Variants in SLC26A7 observed in about 807,000 individuals in gnomAD.
SLC26A7 encodes anion exchange transporter.
In SLC26A7, 59 loss-of-function variants were observed where a neutral mutation model predicts 82.5. The observed-to-expected ratio is 0.72, with a 90% confidence interval of 0.58 to 0.89. The LOEUF (loss-of-function observed/expected upper bound fraction) is 0.89, where lower values mean the gene tolerates loss of function less well. Among genes scored for constraint, SLC26A7 ranks in the 40% least tolerant of loss-of-function variants. The probability of loss-of-function intolerance (pLI) is 0.00; values close to 1 mark genes in which losing one functional copy is unlikely to be tolerated. For missense variants in SLC26A7, 820 were observed against 793.0 expected (o/e 1.03, Z -0.41); for synonymous variants, 271 against 274.3 (o/e 0.99, Z 0.12).
intron 11 of SLC26A7, among the ~76,000 whole-genome samples, chr8:91,356,320 G>A (rs997300034): frequency 1.3e-5 from 2 of 152,098 alleles, no homozygotes; most frequent in African/African-American, 4.8e-5. Context: ...TTCCACAATG[G>A]TTGAACTAGT....
chr8:91,395,317 A>G lies in SLC26A7; in HGVS notation c.*220A>G, dbSNP rs1374636084. ...ATTCGCTTAGTTATTTTATGTAAAA[A>G]TCAGTATGTGTTTAGTTTTAGTGTA... On this transcript the variant is annotated 3_prime_UTR_variant, in exon 19 of 19. Transcript: ENST00000276609. 2.5e-6 allele frequency: 3 copies of G among 1,214,688 alleles called. No homozygotes were observed. The African/African-American group carries it at 4.6e-5, about 19-fold the overall frequency. The allele number at this position is 1,214,688 out of a possible 1,614,324, so 75.2% of individuals were successfully genotyped here.
At chr8:91,276,112 G>T (rs1465249855) in intron 2 of SLC26A7, among the ~76,000 whole-genome samples, 1 of 152,078 alleles carries the variant, frequency 6.6e-6, no homozygotes, top group Admixed American at 6.6e-5. Context: ...CCACATGCAT[G>T]GTGTGATGTT....
rs1199817446 is a variant in SLC26A7 at position 91,396,600 on chromosome 8, C to G, written c.*1503C>G. On this transcript the variant is annotated 3_prime_UTR_variant, in exon 19 of 19. Transcript: ENST00000276609. ...AGGTTTTGAATTCTTATAACATATC[C>G]AGCCATTTCAATTTTGATTGAAATG... 1.3e-5 allele frequency: 2 copies of G among 151,898 alleles called. No individual in the cohort carries two copies. The highest frequency in any genetic ancestry group is 2.4e-5 in the African/African-American group (1 of 41,406). 9.4% of individuals were successfully genotyped at this position (151,898 alleles called of 1,614,324 possible).
chr8:91,212,132 T>A (rs1809939108), intron 1 of SLC26A7, among the ~76,000 whole-genome samples: 1 of 152,152 alleles, frequency 6.6e-6, no homozygotes, highest in Admixed American at 6.5e-5. Context: ...AGTTGATATT[T>A]CAATATTAGC....
chr8:91,298,965 C>A (rs1812089059), intron 4 of SLC26A7, among the ~76,000 whole-genome samples: 1 of 152,114 alleles, frequency 6.6e-6, no homozygotes, highest in South Asian at 2.1e-4. Context: ...TATGAGAGTG[C>A]CTCAGCCTTA....
At chr8:91,367,120 G>T (rs557085396) in intron 14 of SLC26A7, among the ~76,000 whole-genome samples, 1 of 151,782 alleles carries the variant, frequency 6.6e-6, no homozygotes, top group South Asian at 2.1e-4. Flanking sequence ...CCATTCTTCT[G>T]CCTCAGCCTC....
intron 7 of SLC26A7, 66 bp downstream of exon 7, chr8:91,338,298 A>G: frequency 8.7e-7 from 1 of 1,153,370 alleles, no homozygotes. Flanking sequence ...AGAAAGGGAC[A>G]GGGAGTGAGT....
chr8:91,278,955 T>C (rs1811481127), intron 2 of SLC26A7, among the ~76,000 whole-genome samples: 1 of 151,798 alleles, frequency 6.6e-6, no homozygotes, highest in Non-Finnish European at 1.5e-5. Flanking sequence ...ACTCTTTCTA[T>C]TAGTTAAGCT....
rs1355526607 is a variant in SLC26A7, at chr8:91,234,288, T to A, written c.-34+15283T>A. ...TCTATTGGACATATCACAAACTTTT[T>A]AATTCTTTTCAAAATGTTAAAGCTG... is the stretch of plus-strand genomic sequence containing the variant. On this transcript the variant is annotated intron_variant, in intron 2 of 5. Transcript: ENST00000522862. Among the ~76,000 whole-genome samples, 7 of 152,184 alleles carry A rather than the reference T, an allele frequency of 4.6e-5. No individual in the cohort carries two copies. The South Asian group carries it at 1.4e-3, about 32-fold the overall frequency.
chr8:91,236,300 C>T (rs866894879), intron 2 of SLC26A7, among the ~76,000 whole-genome samples: 1 of 152,132 alleles, frequency 6.6e-6, no homozygotes, highest in Non-Finnish European at 1.5e-5. Context: ...TCACTTATCC[C>T]TCCCCTTCTG....
chr8:91,294,017 G>A (rs1323405205), intron 3 of SLC26A7, among the ~76,000 whole-genome samples: 1 of 152,058 alleles, frequency 6.6e-6, no homozygotes, highest in African/African-American at 2.4e-5. Flanking sequence ...TCTTAATTTA[G>A]TATTTTGTGA....
chr8:91,336,779 GAGTT>G (rs1382910641), intron 6 of SLC26A7, among the ~76,000 whole-genome samples: 3 of 152,098 alleles, frequency 2.0e-5, no homozygotes, highest in Non-Finnish European at 2.9e-5. Context: ...CTAATTCAGT[GAGTT>G]AGAGCACTTA....
At chr8:91,312,101 A>G (rs908434648) in intron 4 of SLC26A7, among the ~76,000 whole-genome samples, 17 of 152,152 alleles carry the variant, frequency 1.1e-4, no homozygotes, top group African/African-American at 3.6e-4. Context: ...TACTCATTAG[A>G]TAATAACTGC....
At chr8:91,373,656 G>C (rs2130884785) in intron 15 of SLC26A7, among the ~76,000 whole-genome samples, 1 of 151,992 alleles carries the variant, frequency 6.6e-6, no homozygotes, top group African/African-American at 2.4e-5. Context: ...TTGTGTCTTT[G>C]TTCATCAGGG....
At chr8:91,238,574 C>T (rs569675358) in intron 2 of SLC26A7, among the ~76,000 whole-genome samples, 20 of 148,396 alleles carry the variant, frequency 1.3e-4, no homozygotes, top group African/African-American at 4.2e-4. Context: ...TACACACACA[C>T]ATATATATAT....
chr8:91,368,431 T>G (rs148197453), intron 14 of SLC26A7, among the ~76,000 whole-genome samples: 4,578 of 151,732 alleles, frequency 0.03, 242 homozygotes, highest in African/African-American at 0.1. Flanking sequence ...TTTTGTTTTT[T>G]TTTTTGAGAC....
intron 2 of SLC26A7, among the ~76,000 whole-genome samples, chr8:91,227,541 A>G (rs1428842950): frequency 2.0e-5 from 3 of 152,170 alleles, no homozygotes; most frequent in Non-Finnish European, 4.4e-5. Context: ...ATGCAATCCA[A>G]ATTGATTTTC....
At chr8:91,235,048 T>C (rs1178964038) in intron 2 of SLC26A7, among the ~76,000 whole-genome samples, 1 of 152,058 alleles carries the variant, frequency 6.6e-6, no homozygotes, top group African/African-American at 2.4e-5. Flanking sequence ...GCCTCCTGAC[T>C]AGCTGAGATT....
chr8:91,352,763 T>C (rs1813752254), intron 10 of SLC26A7, 138 bp from the exon 11 acceptor site: 1 of 575,738 alleles, frequency 1.7e-6, no homozygotes, highest in Non-Finnish European at 3.0e-6. Context: ...AAAATAAATA[T>C]TGCTTTTGTC....
Sources: gnomAD v4.1 joint callset for allele counts (sites outside exome capture counted in the v4.1 genomes callset) on GRCh38, gnomAD v4.1.1 for gene constraint, MANE v1.5 for transcripts, NCBI Gene and HGNC (gene_info 2026-07-23, HGNC 2026-07-21) for gene names.